The following PRKCA variants were observed in gnomAD, a reference collection of about 807,000 sequenced individuals.
PRKCA encodes protein kinase C alpha, also known as protein kinase C alpha type.
PRKCA carries 27 observed loss-of-function variants against 87.0 expected under a neutral mutation model. The observed-to-expected ratio is 0.31, with a 90% CI of 0.23 to 0.43. The LOEUF (loss-of-function observed/expected upper bound fraction) is 0.43. Among genes scored for constraint, PRKCA ranks in the 20% least tolerant of loss-of-function variants. The probability of loss-of-function intolerance (pLI) is 1.00; values close to 1 mark genes in which losing one functional copy is unlikely to be tolerated. For missense variants in PRKCA, 518 were observed against 852.3 expected (o/e 0.61, Z 4.88); for synonymous variants, 329 against 311.1 (o/e 1.06, Z -0.61).
intron 8 of PRKCA, among the ~76,000 whole-genome samples, chr17:66,720,899 C>T (rs1276726249): frequency 2.0e-5 from 3 of 152,042 alleles, no homozygotes; most frequent in East Asian, 3.9e-4. Context: ...GCCTTATTTT[C>T]GAGAATGCTA....
chr17:66,623,223 CA>C (rs1970741971), intron 3 of PRKCA, among the ~76,000 whole-genome samples: 1 of 152,170 alleles, frequency 6.6e-6, no homozygotes, highest in Non-Finnish European at 1.5e-5. Context: ...CAGTGGATAA[CA>C]ATGTAAGTAT....
At position 66,810,621 on chromosome 17, in the gene PRKCA, T is replaced by G. The variant is rs1413123288; in HGVS notation, c.*6584T>G. On this transcript the variant is annotated 3_prime_UTR_variant, in exon 17 of 17. Transcript: ENST00000413366. ...ATCGCAGAGGAGACGGATGTGTAAA[T>G]TACTGCATTGCTTTTTTTTTCAGTT... 1 of 151,840 alleles carries G rather than the reference T, an allele frequency of 6.6e-6. No individual in the cohort carries two copies. The highest frequency in any genetic ancestry group is 1.5e-5 in the Non-Finnish European group (1 of 68,038). The allele number at this position is 151,840 out of a possible 1,614,324, so 9.4% of individuals were successfully genotyped here. A position where few individuals can be genotyped will look rare whatever the true frequency, so the allele number is the denominator to read the frequency against.
At position 66,546,240 on chromosome 17, in the gene PRKCA, C is replaced by T. The variant is rs181020248; in HGVS notation, c.288+49957C>T. Among the ~76,000 whole-genome samples, 982 of 152,198 alleles carry T rather than the reference C, an allele frequency of 6.5e-3. 34 individuals are homozygous for T. The highest frequency in any genetic ancestry group is 0.056 in the Admixed American group (860 of 15,294). ...TTGCATTCAGTTCATCCTCTTGTTC[C>T]CTTTTTCCTTCTGTTGGGATGAGTA... On this transcript the variant is annotated intron_variant, in intron 3 of 16. Transcript: ENST00000413366.
intron 3 of PRKCA, among the ~76,000 whole-genome samples, chr17:66,545,013 TTA>T (rs1285061145): frequency 6.6e-6 from 1 of 152,256 alleles, no homozygotes; most frequent in Non-Finnish European, 1.5e-5. Flanking sequence ...GTTACATTAT[TTA>T]AGTTAATCAA....
chr17:66,614,452 C>T, intron 3 of PRKCA, among the ~76,000 whole-genome samples: 1 of 152,138 alleles, frequency 6.6e-6, no homozygotes. Context: ...ATTCTGGTTC[C>T]TCATATAATT....
intron 2 of PRKCA, among the ~76,000 whole-genome samples, chr17:66,329,171 C>T (rs1906173713): frequency 6.6e-6 from 1 of 152,070 alleles, no homozygotes; most frequent in African/African-American, 2.4e-5. Flanking sequence ...AATCCAGGAT[C>T]CTTTTTAGGA....
rs141447074 is a variant in PRKCA, at chr17:66,382,962, A to G, written c.205+76835A>G. ...TAATCCCACCCCTAATTGCGTTATG[A>G]TGGTGTATTTTCTTTCATTATTTTA... is the stretch of plus-strand genomic sequence containing the variant. On this transcript the variant is annotated intron_variant, in intron 2 of 16. Transcript: ENST00000413366. 5.3e-5 allele frequency among the ~76,000 whole-genome samples: 8 copies of G among 152,292 alleles called. No individual in the cohort carries two copies. The East Asian group carries it at 1.3e-3, about 26-fold the overall frequency.
intron 13 of PRKCA, among the ~76,000 whole-genome samples, chr17:66,757,591 C>T (rs960054812): frequency 4.8e-5 from 6 of 125,934 alleles, no homozygotes; most frequent in Non-Finnish European, 6.7e-5. Context: ...AAAAAAAAAA[C>T]GAACCTAGAA....
chr17:66,526,289 G>A (rs1967345544), intron 3 of PRKCA, among the ~76,000 whole-genome samples: 1 of 152,178 alleles, frequency 6.6e-6, no homozygotes, highest in South Asian at 2.1e-4. Context: ...ATGATTAATG[G>A]ATTTATTAAT....
chr17:66,778,845 CAA>C (rs1231493421), intron 14 of PRKCA, among the ~76,000 whole-genome samples: 27 of 61,268 alleles, frequency 4.4e-4, no homozygotes, highest in Non-Finnish European at 4.0e-4. Flanking sequence ...ACCCTGTCTC[CAA>C]AAAAAAAAAA....
At chr17:66,772,493 G>A (rs989879168) in intron 13 of PRKCA, among the ~76,000 whole-genome samples, 7 of 144,250 alleles carry the variant, frequency 4.9e-5, no homozygotes, top group Non-Finnish European at 6.1e-5. Flanking sequence ...GACATTCTGG[G>A]CCATTAAAAA....
At chr17:66,790,409 CA>C (rs1975501579) in intron 16 of PRKCA, among the ~76,000 whole-genome samples, 1 of 114,428 alleles carries the variant, frequency 8.7e-6, no homozygotes, top group Non-Finnish European at 2.0e-5. Context: ...ACACTGATTT[CA>C]GGGGGGTCTC....
At chr17:66,680,462 G>C (rs1018682314) in intron 5 of PRKCA, among the ~76,000 whole-genome samples, 6 of 152,158 alleles carry the variant, frequency 3.9e-5, no homozygotes, top group Non-Finnish European at 7.3e-5. Flanking sequence ...CTCTTAGAGG[G>C]GGGGAGAAAA....
In PRKCA at chr17:66,808,322, GT is replaced by G. The variant is rs3053460; in HGVS notation, c.*4299del. On this transcript the variant is annotated 3_prime_UTR_variant, in exon 17 of 17. Coordinates refer to ENST00000413366, the MANE Select transcript of PRKCA (RefSeq NM_002737.3). ...GAGGGTTTTTTTTGTTTTTGTTCCT[GT>G]TTTTTTTTTTTTTGCTGGAATTTGT... 8.6e-4 allele frequency: 113 copies of G among 131,186 alleles called. No individual in the cohort carries two copies. The highest frequency in any genetic ancestry group is 3.7e-3 in the Middle Eastern group (1 of 268). 8.1% of individuals were successfully genotyped at this position (131,186 alleles called of 1,614,324 possible).
intron 5 of PRKCA, among the ~76,000 whole-genome samples, chr17:66,674,868 A>G (rs977860843): frequency 5.3e-5 from 8 of 152,254 alleles, no homozygotes; most frequent in Admixed American, 3.9e-4. Context: ...TCGACTCTTC[A>G]TTGTTCATGC....
chr17:66,781,851 A>T (rs1393781502), intron 14 of PRKCA, among the ~76,000 whole-genome samples: 25 of 120,424 alleles, frequency 2.1e-4, no homozygotes, highest in African/African-American at 9.1e-4. Flanking sequence ...AAATTTTGTG[A>T]GAGAGAGAGA....
At chr17:66,753,093 C>T (rs886380104) in intron 13 of PRKCA, among the ~76,000 whole-genome samples, 2 of 152,216 alleles carry the variant, frequency 1.3e-5, no homozygotes, top group Admixed American at 6.5e-5. Flanking sequence ...ATGTAAAAAG[C>T]ATGCTTAGCT....
At chr17:66,317,391 A>G (rs926552189) in intron 2 of PRKCA, among the ~76,000 whole-genome samples, 1 of 152,202 alleles carries the variant, frequency 6.6e-6, no homozygotes, top group Non-Finnish European at 1.5e-5. Flanking sequence ...ACAAGTTTAC[A>G]TGATACTGCT....
intron 5 of PRKCA, among the ~76,000 whole-genome samples, chr17:66,648,627 G>C (rs1380617988): frequency 6.6e-6 from 1 of 152,238 alleles, no homozygotes; most frequent in Non-Finnish European, 1.5e-5. Context: ...GGAAAGTCAG[G>C]CTCAAGGAAA....
Sources: gnomAD v4.1 joint callset for allele counts (sites outside exome capture counted in the v4.1 genomes callset) on GRCh38, gnomAD v4.1.1 for gene constraint, MANE v1.5 for transcripts, NCBI Gene and HGNC (gene_info 2026-07-23, HGNC 2026-07-21) for gene names.